SNX30: variants seen among roughly 807,000 people sequenced by gnomAD.
SNX30 encodes sorting nexin family member 30, also known as sorting nexin-30.
SNX30 carries 24 observed loss-of-function variants against 46.4 expected under a neutral mutation model. The ratio of observed to expected loss-of-function variants is 0.52; its 90% CI spans 0.37 to 0.73. The LOEUF is 0.73. SNX30 is among the 30% of genes least tolerant of loss of function. SNX30 has a pLI of 0.00. For missense variants in SNX30, 533 were observed against 555.7 expected, an observed-to-expected ratio of 0.96 and a Z score of 0.41; for synonymous variants, 189 against 211.5, an observed-to-expected ratio of 0.89 and a Z score of 0.92.
chr9:112,759,706 C>T (rs113915542), intron 1 of SNX30, among the ~76,000 whole-genome samples: 5 of 143,210 alleles, frequency 3.5e-5, no homozygotes, highest in African/African-American at 7.9e-5. Context: ...TCTAGCCTGG[C>T]GACAGAGCAA....
rs117464458 is a variant in SNX30, at chr9:112,862,449, C to T, written c.1102-1798C>T. Among the ~76,000 whole-genome samples, 15 of 152,240 alleles carry T rather than the reference C, an allele frequency of 9.9e-5. No individual in the cohort carries two copies. The South Asian group carries it at 1.9e-3, about 19-fold the overall frequency. Reference sequence around the variant, plus strand: ...GTGAGGCCAGCCAGAGACACTGGCTCGCTGGGCATCTTTCCATTGAGGCTG... The same window carrying T: ...GTGAGGCCAGCCAGAGACACTGGCTTGCTGGGCATCTTTCCATTGAGGCTG... On this transcript the variant is annotated intron_variant, in intron 7 of 8. Coordinates refer to ENST00000374232, the MANE Select transcript of SNX30 (RefSeq NM_001012994.2).
intron 3 of SNX30, among the ~76,000 whole-genome samples, chr9:112,825,192 T>C (rs979572662): frequency 3.3e-5 from 5 of 152,382 alleles, no homozygotes; most frequent in Admixed American, 6.5e-5. Context: ...GCTTATAATT[T>C]TATATCTGCA....
intron 7 of SNX30, among the ~76,000 whole-genome samples, chr9:112,862,193 A>G (rs1050304998): frequency 2.0e-5 from 3 of 152,024 alleles, no homozygotes; most frequent in African/African-American, 7.3e-5. Context: ...ACACCTGGGA[A>G]TCTTTAAACC....
chr9:112,769,646 C>T (rs1041567147), intron 1 of SNX30, among the ~76,000 whole-genome samples: 3 of 152,158 alleles, frequency 2.0e-5, no homozygotes, highest in African/African-American at 7.2e-5. Context: ...TCTCATCTCC[C>T]TAGCTCTAAA....
chr9:112,824,481 G>A (rs1369335862), intron 3 of SNX30, among the ~76,000 whole-genome samples: 2 of 151,550 alleles, frequency 1.3e-5, no homozygotes, highest in Non-Finnish European at 1.5e-5. Flanking sequence ...ATCAGCTCAT[G>A]GCCAATCTTG....
intron 1 of SNX30, among the ~76,000 whole-genome samples, chr9:112,785,677 C>T (rs923901676): frequency 2.6e-5 from 4 of 151,950 alleles, no homozygotes; most frequent in African/African-American, 9.6e-5. Flanking sequence ...TGCCACCACG[C>T]CTGGCCGTGC....
intron 7 of SNX30, among the ~76,000 whole-genome samples, chr9:112,852,786 TTAGTAAGATAA>T (rs1841050515): frequency 6.6e-6 from 1 of 152,030 alleles, no homozygotes; most frequent in Non-Finnish European, 1.5e-5. Context: ...GTGAGGAACG[TTAGTAAGATAA>T]TAGCAGGGAC....
At chr9:112,862,186 C>T (rs1841249684) in intron 7 of SNX30, among the ~76,000 whole-genome samples, 1 of 152,020 alleles carries the variant, frequency 6.6e-6, no homozygotes, top group African/African-American at 2.4e-5. Context: ...CCAGAACACA[C>T]CTGGGAATCT....
intron 2 of SNX30, among the ~76,000 whole-genome samples, chr9:112,809,095 T>G (rs1449265264): frequency 6.8e-6 from 1 of 147,364 alleles, no homozygotes; most frequent in Non-Finnish European, 1.5e-5. Flanking sequence ...TTCTTTCTTT[T>G]TTTTTTTTTT....
At position 112,833,913 on chromosome 9, in the gene SNX30, G is replaced by A. The variant is rs984918265; in HGVS notation, c.619-2301G>A. 6.6e-5 allele frequency among the ~76,000 whole-genome samples: 10 copies of A among 152,336 alleles called. No homozygotes were observed. The South Asian group carries it at 8.3e-4, about 13-fold the overall frequency. On this transcript the variant is annotated intron_variant, in intron 4 of 8. Coordinates refer to ENST00000374232, the MANE Select transcript of SNX30 (RefSeq NM_001012994.2). ...GCCTGACTCTGAAGGAAACGAGAGA[G>A]GTGGAGAGGAACTAGAGGAGATTGC...
intron 1 of SNX30, among the ~76,000 whole-genome samples, chr9:112,785,371 A>G (rs1345806646): frequency 2.2e-5 from 3 of 135,208 alleles, no homozygotes; most frequent in South Asian, 2.5e-4. Context: ...GTGTACTACC[A>G]TGCCTGGCTA....
chr9:112,831,092 G>A (rs967337434), intron 4 of SNX30, among the ~76,000 whole-genome samples: 31 of 150,556 alleles, frequency 2.1e-4, no homozygotes, highest in Admixed American at 8.6e-4. Flanking sequence ...AGCTATGATC[G>A]TGCCACTGCA....
chr9:112,809,172 C>T (rs940397227), intron 2 of SNX30, among the ~76,000 whole-genome samples: 8 of 152,056 alleles, frequency 5.3e-5, no homozygotes, highest in South Asian at 2.1e-4. Context: ...CTGCGGCCTC[C>T]GCCTCCCAGG....
intron 6 of SNX30, among the ~76,000 whole-genome samples, chr9:112,845,761 C>T (rs59627893): frequency 0.016 from 2,428 of 152,236 alleles, 75 homozygotes; most frequent in East Asian, 0.11. Context: ...AGGACCCAGC[C>T]GAGTCTCCTA....
intron 1 of SNX30, 52 bp downstream of exon 1, chr9:112,751,209 G>A (rs754481557): frequency 1.5e-6 from 2 of 1,356,436 alleles, no homozygotes; most frequent in Non-Finnish European, 9.6e-7. Context: ...CCCCGTGGGG[G>A]GGATGATGGA....
chr9:112,830,761 G>A lies in SNX30; in HGVS notation c.496G>A (p.Asp166Asn). The change falls in exon 4 of 9, where the codon GAT becomes AAT. Residue 166 changes from aspartate (D) to asparagine (N), a missense_variant. Physicochemically the swap from Asp to Asn is conservative, Grantham distance 23. Around this residue, in one of 3 missense-constraint regions of SNX30, gnomAD observed 81 missense variants for 124.4 expected, o/e 0.65. Coordinates refer to ENST00000374232, the MANE Select transcript of SNX30 (RefSeq NM_001012994.2). ...GAAGTTTGTGGTAAAAGGTGTTGTGGATCGTTTTTCAGAAGAGTTTGTGGA... is the reference window on the plus strand; with the variant it reads ...GAAGTTTGTGGTAAAAGGTGTTGTGAATCGTTTTTCAGAAGAGTTTGTGGA... The part of the protein sequence containing the change: ...PEKFVVKGVV[D>N]RFSEEFVETR... 6.2e-7 allele frequency: 1 copy of A among 1,613,222 alleles called. No homozygotes were observed. The highest frequency in any genetic ancestry group is 8.5e-7 in the Non-Finnish European group (1 of 1,179,812).
chr9:112,845,320 G>GA (rs1290176461), intron 6 of SNX30, among the ~76,000 whole-genome samples: 4 of 152,164 alleles, frequency 2.6e-5, no homozygotes, highest in African/African-American at 4.8e-5. Context: ...GACTGTGGGG[G>GA]AAAAAACTGA....
chr9:112,783,998 A>G (rs975569337), intron 1 of SNX30, among the ~76,000 whole-genome samples: 3 of 152,196 alleles, frequency 2.0e-5, no homozygotes, highest in Admixed American at 6.5e-5. Context: ...GATGGCACAC[A>G]GGGCTGTTGA....
intron 1 of SNX30, among the ~76,000 whole-genome samples, chr9:112,797,761 G>GTGCAA (rs1588120061): frequency 7.0e-6 from 1 of 142,026 alleles, no homozygotes; most frequent in East Asian, 2.0e-4. Flanking sequence ...CCAGACTGGA[G>GTGCAA]TGCAGTGGCA....
Sources: allele counts gnomAD v4.1 joint callset (sites outside exome capture counted in the v4.1 genomes callset), GRCh38; gene constraint gnomAD v4.1.1; regional missense constraint gnomAD v4.1.1; transcripts MANE v1.5; gene names NCBI Gene and HGNC (gene_info 2026-07-23, HGNC 2026-07-21).